Variants in TMEM14B observed in about 807,000 individuals in gnomAD.
The protein encoded by TMEM14B is transmembrane protein 14B.
A neutral mutation model predicts 14.8 loss-of-function variants in TMEM14B; 9 were observed. The observed-to-expected ratio is 0.61, with a 90% CI of 0.37 to 1.06. The LOEUF is 1.06. Ranked by LOEUF, TMEM14B falls within the 50% of genes least tolerant of loss-of-function variation. The probability of loss-of-function intolerance (pLI) is 0.01; values close to 1 mark genes in which losing one functional copy is unlikely to be tolerated. For synonymous variants in TMEM14B, 40 were observed against 51.3 expected (o/e 0.78, Z 0.94); for missense variants, 128 against 143.6 (o/e 0.89, Z 0.56).
rs529186838 is a variant in TMEM14B, at chr6:10,753,526, CTCT to C, written c.203-1611_203-1609del. Among the ~76,000 whole-genome samples the C allele has an allele frequency of 2.8e-3, 423 of 152,066 alleles. 6 individuals carry two copies. The highest frequency in any genetic ancestry group is 9.9e-3 in the African/African-American group (410 of 41,388). On this transcript the variant is annotated intron_variant, in intron 4 of 5. Coordinates refer to ENST00000379542, the MANE Select transcript of TMEM14B (RefSeq NM_030969.5). ...CCACTAGATATTGAAGTTCTTCAGG[CTCT>C]TCTTGTCTACTCACTTGACAGTTTC...
chr6:10,756,596 A>T lies in TMEM14B; in HGVS notation c.*78A>T. 6.5e-7 allele frequency: 1 copy of T among 1,545,308 alleles called. No homozygotes were observed. The highest frequency in any genetic ancestry group is 8.7e-7 in the Non-Finnish European group (1 of 1,148,988). Reference sequence around the variant, plus strand: ...CACTATTTTCAATGTATTAAGAGAAATAAGTGCAGCATTTTTGCATCTGAC... The same window carrying T: ...CACTATTTTCAATGTATTAAGAGAATTAAGTGCAGCATTTTTGCATCTGAC... On this transcript the variant is annotated 3_prime_UTR_variant, in exon 6 of 6. Transcript: ENST00000379542.
At chr6:10,749,303 G>C in intron 2 of TMEM14B, 35 bp downstream of exon 2, 2 of 1,613,370 alleles carry the variant, frequency 1.2e-6, no homozygotes. Flanking sequence ...GAGTAGCCAG[G>C]AGCTTCTGGA....
chr6:10,756,239 G>C (rs921051670), intron 5 of TMEM14B, among the ~76,000 whole-genome samples: 1 of 152,170 alleles, frequency 6.6e-6, no homozygotes, highest in East Asian at 1.9e-4. Context: ...CTGGCAGTTG[G>C]ATTAGGATCT....
intron 4 of TMEM14B, chr6:10,752,820 G>A (rs1280996493): frequency 6.6e-6 from 1 of 152,236 alleles, no homozygotes; most frequent in Non-Finnish European, 1.5e-5. Flanking sequence ...TTCCCCGAAG[G>A]TGGGGTGGTA....
downstream of TMEM14B, chr6:10,759,183 T>G (rs1294140568): frequency 6.5e-6 from 1 of 153,072 alleles, no homozygotes; most frequent in Non-Finnish European, 1.5e-5. Context: ...CCCAAAGTGC[T>G]GGAATTACAG....
intron 2 of TMEM14B, 116 bp downstream of exon 2, chr6:10,749,384 A>G: frequency 7.4e-7 from 1 of 1,349,480 alleles, no homozygotes; most frequent in Non-Finnish European, 1.1e-6. Context: ...GCGGGATGGG[A>G]GGATCACTGG....
Position 10,753,857 on chromosome 6 carries a change from AGTCCC to A in TMEM14B, c.203-1284_203-1280del, listed in dbSNP as rs1235214362. 2.8e-3 allele frequency among the ~76,000 whole-genome samples: 419 copies of A among 151,996 alleles called. 3 individuals are homozygous for A. Among genetic ancestry groups the A allele is most frequent in the African/African-American group, 9.3e-3 (383 of 41,268 alleles). Reference sequence around the variant, plus strand: ...TTTTCATCTGCACAGCCATCGTCCTAGTCCCAGTTATCCCCTCTTTCTTACCTGCA... The same window carrying A: ...TTTTCATCTGCACAGCCATCGTCCTAAGTTATCCCCTCTTTCTTACCTGCA... On this transcript the variant is annotated intron_variant, in intron 4 of 5. Coordinates refer to ENST00000379542, the MANE Select transcript of TMEM14B (RefSeq NM_030969.5).
intron 3 of TMEM14B, among the ~76,000 whole-genome samples, chr6:10,750,208 G>C (rs1283940393): frequency 5.9e-5 from 9 of 151,380 alleles, no homozygotes; most frequent in Non-Finnish European, 5.9e-5. Context: ...ATTTCCTTCT[G>C]CTTTTGTGAT....
intron 1 of TMEM14B, among the ~76,000 whole-genome samples, chr6:10,748,984 C>T (rs1370717839): frequency 2.0e-5 from 3 of 152,178 alleles, no homozygotes; most frequent in Non-Finnish European, 2.9e-5. Flanking sequence ...GTGAAATGAT[C>T]GGCATCTGTT....
intron 3 of TMEM14B, 119 bp from the exon 4 acceptor site, chr6:10,751,014 G>A (rs2127494486): frequency 8.4e-7 from 1 of 1,196,184 alleles, no homozygotes. Context: ...GTCCACCTTG[G>A]CTGTGAGCTG....
chr6:10,750,647 G>C (rs1771514484), intron 3 of TMEM14B, among the ~76,000 whole-genome samples: 1 of 151,960 alleles, frequency 6.6e-6, no homozygotes, highest in South Asian at 2.1e-4. Flanking sequence ...TCAGTTAATT[G>C]CATTCTTGGA....
downstream of TMEM14B, among the ~76,000 whole-genome samples, chr6:10,758,586 G>A (rs955043067): frequency 3.3e-5 from 5 of 152,154 alleles, no homozygotes; most frequent in African/African-American, 1.2e-4. Context: ...GGAGTCTGGT[G>A]GAGGAGGTGG....
intron 4 of TMEM14B, among the ~76,000 whole-genome samples, chr6:10,751,447 A>G (rs1771564225): frequency 6.6e-6 from 1 of 152,028 alleles, no homozygotes; most frequent in Admixed American, 6.5e-5. Flanking sequence ...GATAATATGG[A>G]AAGATTTCCA....
intron 5 of TMEM14B, 36 bp downstream of exon 5, chr6:10,755,268 A>G: frequency 6.2e-7 from 1 of 1,613,628 alleles, no homozygotes; most frequent in Non-Finnish European, 8.5e-7. Context: ...TACCATGTAG[A>G]GTTCAGTTTA....
intron 5 of TMEM14B, among the ~76,000 whole-genome samples, chr6:10,756,190 T>C (rs987744410): frequency 7.9e-5 from 12 of 152,164 alleles, no homozygotes; most frequent in African/African-American, 2.9e-4. Context: ...GGGGAGGCCT[T>C]GCTTTCTCTT....
chr6:10,754,391 G>GCC (rs1771726085), intron 4 of TMEM14B, among the ~76,000 whole-genome samples: 2 of 152,274 alleles, frequency 1.3e-5, no homozygotes, highest in South Asian at 4.1e-4. Flanking sequence ...GTGCCACGCT[G>GCC]CCCTTTTAGG....
At chr6:10,756,201 G>C (rs1304574453) in intron 5 of TMEM14B, among the ~76,000 whole-genome samples, 1 of 152,126 alleles carries the variant, frequency 6.6e-6, no homozygotes, top group African/African-American at 2.4e-5. Flanking sequence ...GCTTTCTCTT[G>C]CCTCCATTTC....
At position 10,756,591 on chromosome 6, in the gene TMEM14B, G is replaced by A; in HGVS notation, c.*73G>A. ...TCTTCCACTATTTTCAATGTATTAA[G>A]AGAAATAAGTGCAGCATTTTTGCAT... On this transcript the variant is annotated 3_prime_UTR_variant, in exon 6 of 6. Transcript: ENST00000379542. 6 of 1,550,250 alleles carry A rather than the reference G, an allele frequency of 3.9e-6. No homozygotes were observed. Among genetic ancestry groups the A allele is most frequent in the African/African-American group, 2.8e-5 (2 of 71,376 alleles).
chr6:10,748,914 AAC>A (rs1274311080), intron 1 of TMEM14B, among the ~76,000 whole-genome samples: 1 of 152,230 alleles, frequency 6.6e-6, no homozygotes, highest in Admixed American at 6.5e-5. Context: ...TGAAATGACT[AAC>A]ACATTCCCTG....
Sources: allele counts gnomAD v4.1 joint callset (sites outside exome capture counted in the v4.1 genomes callset), GRCh38; gene constraint gnomAD v4.1.1; transcripts MANE v1.5; gene names NCBI Gene and HGNC (gene_info 2026-07-23, HGNC 2026-07-21).